The following FGF14 variants were observed in gnomAD, a reference collection of about 807,000 sequenced individuals.
The protein encoded by FGF14 is fibroblast growth factor homologous factor 4.
FGF14 carries 5 observed loss-of-function variants against 25.5 expected under a neutral mutation model. The observed-to-expected ratio is 0.20, with a 90% CI of 0.10 to 0.41. The LOEUF is 0.41. Ranked by LOEUF, FGF14 falls within the 10% of genes least tolerant of loss-of-function variation. FGF14 has a pLI of 1.00. For synonymous variants in FGF14, 138 were observed against 118.3 expected (o/e 1.17, Z -1.08); for missense variants, 222 against 320.1 (o/e 0.69, Z 2.34).
chr13:101,722,931 C>G lies in FGF14; in HGVS notation c.644G>C (p.Gly215Ala). 1.2e-6 allele frequency: 2 copies of G among 1,613,274 alleles called. No individual in the cohort carries two copies. Among genetic ancestry groups the G allele is most frequent in the Non-Finnish European group, 1.7e-6 (2 of 1,179,522 alleles). Reference protein sequence around the residue: ...MYREPSLHDVGETVPKPGVTP... With the variant: ...MYREPSLHDVAETVPKPGVTP... ...CACCCCAGGCTTCGGGACCGTTTCC[C>G]CAACATCATGCAAAGATGGTTCTCG... Residue 215 changes from glycine to alanine, a missense_variant, in exon 5 of 5, where the codon GGG (glycine) becomes GCG (alanine). Gly to Ala is a moderately conservative substitution (Grantham distance 60). Transcript: ENST00000376143.
At chr13:101,740,082 A>G (rs183700839) in intron 3 of FGF14, among the ~76,000 whole-genome samples, 11 of 152,330 alleles carry the variant, frequency 7.2e-5, no homozygotes, top group African/African-American at 2.2e-4. Flanking sequence ...TGCTCAATCA[A>G]TCACAACCCT....
At chr13:101,898,758 T>A (rs1259336355) in intron 1 of FGF14, among the ~76,000 whole-genome samples, 9 of 152,090 alleles carry the variant, frequency 5.9e-5, no homozygotes, top group Admixed American at 5.9e-4. Context: ...TCCTACCATA[T>A]GTGAAAGCTA....
chr13:101,866,507 A>G (rs2044713203), intron 3 of FGF14, among the ~76,000 whole-genome samples: 1 of 152,150 alleles, frequency 6.6e-6, no homozygotes, highest in Admixed American at 6.6e-5. Context: ...GGGATAATTA[A>G]ATGAGCTAAT....
chr13:101,846,905 T>C (rs2140340226), intron 3 of FGF14, among the ~76,000 whole-genome samples: 1 of 152,128 alleles, frequency 6.6e-6, no homozygotes, highest in South Asian at 2.1e-4. Flanking sequence ...TTTTTCATAG[T>C]CAATTAATTG....
chr13:102,230,562 T>G (rs565723822), intron 1 of FGF14, among the ~76,000 whole-genome samples: 126 of 152,272 alleles, frequency 8.3e-4, no homozygotes, highest in African/African-American at 3.0e-3. Flanking sequence ...GTGGGCCTCA[T>G]GAGGGATGTG....
intron 1 of FGF14, among the ~76,000 whole-genome samples, chr13:102,201,828 G>T (rs980155873): frequency 6.6e-6 from 1 of 152,136 alleles, no homozygotes; most frequent in African/African-American, 2.4e-5. Flanking sequence ...TGTTACTGGG[G>T]GACGGACAGT....
intron 2 of FGF14, among the ~76,000 whole-genome samples, chr13:101,870,871 T>G (rs1186915411): frequency 6.6e-6 from 1 of 152,112 alleles, no homozygotes; most frequent in Non-Finnish European, 1.5e-5. Flanking sequence ...GAGAATTGCT[T>G]GAACCTGGGA....
intron 1 of FGF14, among the ~76,000 whole-genome samples, chr13:102,013,471 C>G (rs2040185337): frequency 6.6e-6 from 1 of 152,158 alleles, no homozygotes; most frequent in African/African-American, 2.4e-5. Context: ...AGGTTTCTGT[C>G]ACAAATTTTG....
At chr13:102,277,027 C>T (rs534146824) in intron 1 of FGF14, among the ~76,000 whole-genome samples, 47 of 152,246 alleles carry the variant, frequency 3.1e-4, no homozygotes, top group African/African-American at 1.1e-3. Context: ...AATATGTTGC[C>T]TAACTTTCAT....
chr13:102,009,331 T>C (rs904199437), intron 1 of FGF14, among the ~76,000 whole-genome samples: 4 of 152,148 alleles, frequency 2.6e-5, no homozygotes, highest in African/African-American at 9.6e-5. Flanking sequence ...AATATAATAT[T>C]TGATGGCTAA....
intron 1 of FGF14, among the ~76,000 whole-genome samples, chr13:102,029,728 T>C (rs1052562216): frequency 5.3e-5 from 8 of 152,084 alleles, no homozygotes; most frequent in Non-Finnish European, 2.9e-5. Flanking sequence ...AACCCTCCAC[T>C]CCCATCACTT....
intron 1 of FGF14, among the ~76,000 whole-genome samples, chr13:102,061,475 C>G (rs1265794542): frequency 6.6e-6 from 1 of 152,234 alleles, no homozygotes; most frequent in East Asian, 1.9e-4. Flanking sequence ...GAAAACTCCT[C>G]CCATTTCAAT....
At chr13:102,021,681 T>G (rs1242737474) in intron 1 of FGF14, among the ~76,000 whole-genome samples, 1 of 152,074 alleles carries the variant, frequency 6.6e-6, no homozygotes, top group African/African-American at 2.4e-5. Context: ...AACATATATT[T>G]GGTGAGAAAT....
At chr13:102,344,464 G>T (rs2057043693) in intron 1 of FGF14, among the ~76,000 whole-genome samples, 1 of 152,222 alleles carries the variant, frequency 6.6e-6, no homozygotes, top group South Asian at 2.1e-4. Context: ...CAGAGCATTT[G>T]AAAAATGTAT....
chr13:101,879,016 T>C (rs2045555364), intron 1 of FGF14, among the ~76,000 whole-genome samples: 1 of 152,116 alleles, frequency 6.6e-6, no homozygotes. Flanking sequence ...CAATGAATAA[T>C]TGAAAAATAA....
chr13:102,396,934 A>G (rs952149824), intron 1 of FGF14, among the ~76,000 whole-genome samples: 4 of 152,220 alleles, frequency 2.6e-5, no homozygotes, highest in African/African-American at 7.2e-5. Context: ...GTCTAAGGCC[A>G]ACTAATACTA....
Position 101,711,134 on chromosome 13 carries a change from G to T in FGF14, c.*11697C>A, listed in dbSNP as rs1412351555. ...GCTTAGCTACCTTTGCAAAGTACATGATATAATTCATTGTGGGTTGTTTTG... is the reference window on the plus strand; with the variant it reads ...GCTTAGCTACCTTTGCAAAGTACATTATATAATTCATTGTGGGTTGTTTTG... On this transcript the variant is annotated 3_prime_UTR_variant, in exon 5 of 5. Transcript: ENST00000376143. The T allele has an allele frequency of 6.6e-6, 1 of 152,198 alleles. No homozygotes were observed. The highest frequency in any genetic ancestry group is 1.5e-5 in the Non-Finnish European group (1 of 68,054). 9.4% of individuals were successfully genotyped at this position (152,198 alleles called of 1,614,324 possible). A position where few individuals can be genotyped will look rare whatever the true frequency, so the allele number is the denominator to read the frequency against.
rs1337177883 is a variant in FGF14 at position 101,883,999 on chromosome 13, G to A, written c.194-8703C>T. 2.8e-5 allele frequency among the ~76,000 whole-genome samples: 4 copies of A among 140,864 alleles called. No homozygotes were observed. In the Admixed American group the frequency reaches 3.0e-4, roughly 11 times the overall value. 92.4% of individuals were successfully genotyped at this position (140,864 alleles called of 152,430 possible). A position where few individuals can be genotyped will look rare whatever the true frequency, so the allele number is the denominator to read the frequency against. ...AATCAATTGAACCTGGGAGGCGGAG[G>A]TTGCAGTGAGCCCAGATCGCACCAC... On this transcript the variant is annotated intron_variant, in intron 1 of 4. Transcript: ENST00000376143.
Position 101,715,992 on chromosome 13 carries a change from G to A in FGF14, c.*6839C>T, listed in dbSNP as rs543069377. On this transcript the variant is annotated 3_prime_UTR_variant, in exon 5 of 5. Coordinates refer to ENST00000376143, the MANE Select transcript of FGF14 (RefSeq NM_004115.4). ...AAGGTATGCTGCAGACATTTGGTGG[G>A]TAGAGGCCAGGGATGCTGCTGAGCA... The A allele has an allele frequency of 6.6e-4, 176 of 267,038 alleles. 1 individual carries two copies. Among genetic ancestry groups the A allele is most frequent in the Non-Finnish European group, 4.8e-4 (66 of 136,564 alleles). The allele number at this position is 267,038 out of a possible 1,614,324, so 16.5% of individuals were successfully genotyped here.
Sources: gnomAD v4.1 joint callset for allele counts (sites outside exome capture counted in the v4.1 genomes callset) on GRCh38, gnomAD v4.1.1 for gene constraint, MANE v1.5 for transcripts, NCBI Gene and HGNC (gene_info 2026-07-23, HGNC 2026-07-21) for gene names.